The following IGFL2 variants were observed in gnomAD, a reference collection of about 807,000 sequenced individuals.
The protein encoded by IGFL2 is insulin growth factor-like family member 2.
In IGFL2, 7 loss-of-function variants were observed where a neutral mutation model predicts 13.9. The ratio of observed to expected loss-of-function variants is 0.51; its 90% CI spans 0.29 to 0.95. IGFL2 has a LOEUF of 0.95. IGFL2 is among the 40% of genes least tolerant of loss of function. The probability of loss-of-function intolerance (pLI) is 0.08; values close to 1 mark genes in which losing one functional copy is unlikely to be tolerated. For synonymous variants in IGFL2, 55 were observed against 55.8 expected, an observed-to-expected ratio of 0.99 and a Z score of 0.07; for missense variants, 138 against 147.8, an observed-to-expected ratio of 0.93 and a Z score of 0.34.
chr19:46,103,989 GT>G, the IGFL2 span, among the ~76,000 whole-genome samples: 1 of 152,152 alleles, frequency 6.6e-6, no homozygotes, highest in East Asian at 1.9e-4. Context: ...AGATGACTAA[GT>G]AGGGTCCAGT....
At chr19:46,111,077 C>CATG in the IGFL2 span, 1 of 152,320 alleles carries the variant, frequency 6.6e-6, no homozygotes, top group Admixed American at 6.5e-5. Context: ...AGTTATCTTA[C>CATG]ATGATGTAAG....
At chr19:46,108,595 G>C in the IGFL2 span, among the ~76,000 whole-genome samples, 1 of 152,150 alleles carries the variant, frequency 6.6e-6, no homozygotes. Context: ...AGAGAGGGTA[G>C]AGACATGGAG....
chr19:46,160,563 G>C lies in IGFL2; in HGVS notation c.74-51G>C, dbSNP rs1013472447. ...AGAGGGCTCCTGATTGGGGGATGTA[G>C]TGCCTGGTTATCCTTGAGCTCACAC... On this transcript the variant is annotated intron_variant, in intron 2 of 3. Coordinates refer to ENST00000377693, the MANE Select transcript of IGFL2 (RefSeq NM_001135113.2). 3 of 1,613,364 alleles carry C rather than the reference G, an allele frequency of 1.9e-6. No individual in the cohort carries two copies. The African/African-American group carries it at 4.0e-5, about 21-fold the overall frequency.
the IGFL2 span, chr19:46,137,624 G>A: frequency 1.2e-6 from 1 of 865,292 alleles, no homozygotes; most frequent in South Asian, 1.4e-5. Flanking sequence ...GTGCAGAGGA[G>A]CAGGACCCTG....
the IGFL2 span, among the ~76,000 whole-genome samples, chr19:46,215,223 A>T: frequency 6.6e-6 from 1 of 152,218 alleles, no homozygotes; most frequent in Non-Finnish European, 1.5e-5. Context: ...GGCTCTAATT[A>T]ATGATTATGG....
chr19:46,119,444 G>A, the IGFL2 span, among the ~76,000 whole-genome samples: 1 of 152,172 alleles, frequency 6.6e-6, no homozygotes, highest in Non-Finnish European at 1.5e-5. Flanking sequence ...CCAGACATCT[G>A]GAGGCCCAAG....
At chr19:46,080,143 A>G in the IGFL2 span, among the ~76,000 whole-genome samples, 3 of 152,240 alleles carry the variant, frequency 2.0e-5, no homozygotes. Context: ...GCCATTTTAA[A>G]TGAGTCACGG....
chr19:46,167,022 G>A, the IGFL2 span, among the ~76,000 whole-genome samples: 1 of 152,180 alleles, frequency 6.6e-6, no homozygotes, highest in Non-Finnish European at 1.5e-5. Flanking sequence ...GTAAAGACAG[G>A]CATAGGAAAT....
chr19:46,163,110 G>A (rs1009726427), downstream of IGFL2, among the ~76,000 whole-genome samples: 1 of 152,156 alleles, frequency 6.6e-6, no homozygotes, highest in African/African-American at 2.4e-5. Flanking sequence ...GATCCAGCAG[G>A]TGGCACTTAG....
At chr19:46,079,119 C>T in the IGFL2 span, among the ~76,000 whole-genome samples, 2 of 151,880 alleles carry the variant, frequency 1.3e-5, no homozygotes, top group Admixed American at 1.3e-4. Flanking sequence ...GTAGACATCG[C>T]GCAGGCGTCG....
the IGFL2 span, chr19:46,214,582 C>T: frequency 1.3e-5 from 2 of 152,056 alleles, no homozygotes; most frequent in Admixed American, 6.5e-5. Flanking sequence ...GCTGCATGGT[C>T]GGACCTCATC....
chr19:46,185,021 T>G, the IGFL2 span, among the ~76,000 whole-genome samples: 2 of 152,240 alleles, frequency 1.3e-5, no homozygotes, highest in East Asian at 1.9e-4. Flanking sequence ...TTTTTCCATG[T>G]GTCTGTTGGC....
At chr19:46,135,817 T>G in the IGFL2 span, among the ~76,000 whole-genome samples, 1 of 152,244 alleles carries the variant, frequency 6.6e-6, no homozygotes, top group Admixed American at 6.5e-5. Flanking sequence ...TAGCTGACAA[T>G]TATCTAACAA....
rs1470923708 is a variant in IGFL2 at position 46,160,728 on chromosome 19, C to T, written c.188C>T (p.Thr63Ile). Residue 63 changes from threonine to isoleucine, a missense_variant, in exon 3 of 4, where the codon ACC becomes ATC. Coordinates refer to ENST00000377693, the MANE Select transcript of IGFL2 (RefSeq NM_001135113.2). ...YNDAIVSLSE[T>I]RQCGPPCTFW... ...GACGCCATCGTGTCCCTGAGCGAGA[C>T]CCGCCAATGTGGTCCCCCCTGCACC... is the stretch of plus-strand genomic sequence containing the variant. 2 of 1,613,936 alleles carry T rather than the reference C, an allele frequency of 1.2e-6. No homozygotes were observed. The highest frequency in any genetic ancestry group is 1.7e-6 in the Non-Finnish European group (2 of 1,179,980).
the IGFL2 span, among the ~76,000 whole-genome samples, chr19:46,172,351 T>A: frequency 6.6e-6 from 1 of 151,988 alleles, no homozygotes; most frequent in Non-Finnish European, 1.5e-5. Flanking sequence ...CATGGGAAAA[T>A]GATAATAATC....
the IGFL2 span, among the ~76,000 whole-genome samples, chr19:46,085,895 A>G: frequency 6.6e-6 from 1 of 152,340 alleles, no homozygotes; most frequent in East Asian, 1.9e-4. Flanking sequence ...CTTTGCAACA[A>G]CAAAGAAACC....
the IGFL2 span, among the ~76,000 whole-genome samples, chr19:46,131,011 A>G: frequency 4.2e-4 from 64 of 152,058 alleles, no homozygotes; most frequent in Non-Finnish European, 7.6e-4. Context: ...GCCATCTCCA[A>G]CTTAAAGTTC....
chr19:46,120,931 A>G, the IGFL2 span, among the ~76,000 whole-genome samples: 1 of 150,890 alleles, frequency 6.6e-6, no homozygotes, highest in Non-Finnish European at 1.5e-5. Flanking sequence ...TACAACTATA[A>G]TTTGTCAATT....
the IGFL2 span, among the ~76,000 whole-genome samples, chr19:46,106,288 G>C: frequency 6.6e-6 from 1 of 152,170 alleles, no homozygotes; most frequent in African/African-American, 2.4e-5. Flanking sequence ...TGCCCTGTTG[G>C]GAAGACTTGT....
Sources: allele counts gnomAD v4.1 joint callset (sites outside exome capture counted in the v4.1 genomes callset), GRCh38; gene constraint gnomAD v4.1.1; transcripts MANE v1.5; gene names NCBI Gene and HGNC (gene_info 2026-07-23, HGNC 2026-07-21).